The following SCNN1A variants were observed in gnomAD, a reference collection of about 807,000 sequenced individuals.
SCNN1A encodes the protein epithelial sodium channel subunit alpha.
Under a neutral mutation model 68.6 loss-of-function variants are expected in SCNN1A, and 65 were observed. The ratio of observed to expected loss-of-function variants is 0.95; its 90% CI spans 0.78 to 1.16. The LOEUF is 1.16. SCNN1A is among the 50% of genes most tolerant of loss of function. The pLI, the probability that SCNN1A is intolerant of heterozygous loss-of-function variation, is 0.00. For missense variants in SCNN1A, 880 were observed against 865.9 expected, an observed-to-expected ratio of 1.02 and a Z score of -0.20; for synonymous variants, 357 against 353.3, an observed-to-expected ratio of 1.01 and a Z score of -0.12.
At position 6,362,066 on chromosome 12, in the gene SCNN1A, A is replaced by G. The variant is rs749335164; in HGVS notation, c.860T>C (p.Val287Ala). ...NFIFACRFNQVSCNQANYSHF... is the reference protein window; with the variant it reads ...NFIFACRFNQASCNQANYSHF... Reference sequence around the variant, plus strand: ...ACTGACTCACGCCTGGTTGCAGGAGACCTGGTTGAAGCGGCAGGCGAAGAT... The same window carrying G: ...ACTGACTCACGCCTGGTTGCAGGAGGCCTGGTTGAAGCGGCAGGCGAAGAT... The change falls in exon 4 of 13, where the codon GTC becomes GCC. Residue 287 changes from valine (V) to alanine (A), a missense_variant. By Grantham distance (64) the Val-to-Ala change is moderately conservative (BLOSUM62 0). Around this residue, in one of 3 missense-constraint regions of SCNN1A, gnomAD observed 758 missense variants for 721.8 expected, o/e 1.05. Coordinates refer to ENST00000228916, the MANE Select transcript of SCNN1A (RefSeq NM_001038.6). 14 of 1,614,056 alleles carry G rather than the reference A, an allele frequency of 8.7e-6. No individual in the cohort carries two copies. The highest frequency in any genetic ancestry group is 1.1e-5 in the Non-Finnish European group (13 of 1,180,032).
chr12:6,363,595 G>C lies in SCNN1A; in HGVS notation c.532C>G (p.Arg178Gly). The change falls in exon 3 of 13, where the codon CGC becomes GGC. Residue 178 changes from arginine to glycine, a missense_variant. By Grantham distance (125) the Arg-to-Gly change is moderately radical. Around this residue, in one of 3 missense-constraint regions of SCNN1A, gnomAD observed 758 missense variants for 721.8 expected, o/e 1.05. Coordinates refer to ENST00000228916, the MANE Select transcript of SCNN1A (RefSeq NM_001038.6). ...TTLVAGSRSR[R>G]DLRGTLPHPL... Reference sequence around the variant, plus strand: ...TGCGGCAGAGTCCCCCGCAGGTCGCGACGGCTGCGGGAGCCGGCCACGAGA... The same window carrying C: ...TGCGGCAGAGTCCCCCGCAGGTCGCCACGGCTGCGGGAGCCGGCCACGAGA... The C allele has an allele frequency of 6.2e-7, 1 of 1,612,336 alleles. No individual in the cohort carries two copies. Among genetic ancestry groups the C allele is most frequent in the South Asian group, 1.1e-5 (1 of 90,882 alleles).
At position 6,354,482 on chromosome 12, in the gene SCNN1A, G is replaced by A; in HGVS notation, c.1316C>T (p.Pro439Leu). The A allele has an allele frequency of 1.2e-6, 2 of 1,613,608 alleles. No individual in the cohort carries two copies. The highest frequency in any genetic ancestry group is 2.7e-5 in the African/African-American group (2 of 74,978). The change falls in exon 8 of 13, where the codon CCC becomes CTC. Residue 439 changes from proline to leucine, a missense_variant. Transcript: ENST00000228916. Reference sequence around the variant, plus strand: ...GTAGTCACAGTACTCCACGTTCTGGGGCCGCGGATAGAAGATGTAGGCACA... The same window carrying A: ...GTAGTCACAGTACTCCACGTTCTGGAGCCGCGGATAGAAGATGTAGGCACA... ...CGCAYIFYPRPQNVEYCDYRK... is the reference protein window; with the variant it reads ...CGCAYIFYPRLQNVEYCDYRK...
chr12:6,348,186 A>G lies in SCNN1A; in HGVS notation c.1697T>C (p.Val566Ala), dbSNP rs768620050. ...AAAGACGAGCTCAGCCATCTCCACC[A>G]CAGACAACACCGAGGAGCCGAACCA... ...SLWFGSSVLS[V>A]VEMAELVFDL... is the part of the protein sequence containing the mutation. Residue 566 changes from valine to alanine, a missense_variant, in exon 13 of 13, where the codon GTG (valine) becomes GCG (alanine). By Grantham distance (64) the Val-to-Ala change is moderately conservative. Transcript: ENST00000228916. 9.9e-6 allele frequency: 16 copies of G among 1,614,154 alleles called. No individual in the cohort carries two copies. In the South Asian group the frequency reaches 1.8e-4, roughly 18 times the overall value.
At chr12:6,377,009 A>G (rs1198071217), upstream of SCNN1A, 68 of 442,948 alleles carry the variant, frequency 1.5e-4, no homozygotes, top group Admixed American at 2.6e-3. Flanking sequence ...AAGACATAAG[A>G]GCCAAGGGCT....
At chr12:6,368,072 G>A (rs775917443) in intron 2 of SCNN1A, among the ~76,000 whole-genome samples, 11 of 152,238 alleles carry the variant, frequency 7.2e-5, no homozygotes, top group Admixed American at 3.9e-4. Flanking sequence ...CATAGCTAGC[G>A]TTTATCGAGC....
chr12:6,355,354 T>C lies in SCNN1A; in HGVS notation c.1061A>G (p.His354Arg), dbSNP rs753035419. The C allele has an allele frequency of 7.4e-6, 12 of 1,613,864 alleles. No individual in the cohort carries two copies. The highest frequency in any genetic ancestry group is 1.0e-5 in the Non-Finnish European group (12 of 1,179,950). ...CATAAAGGCAGGTTCATCCTGCCCG[T>C]GCACCATTACCCGGGCCCCAGTCAC... ...STVTGARVMV[H>R]GQDEPAFMDD... is the part of the protein sequence containing the mutation. The change falls in exon 6 of 13, where the codon CAC (histidine) becomes CGC (arginine). Residue 354 changes from histidine to arginine, a missense_variant. Transcript: ENST00000228916.
intron 2 of SCNN1A, chr12:6,364,159 A>G (rs1948636080): frequency 6.4e-6 from 1 of 155,732 alleles, no homozygotes; most frequent in Admixed American, 6.5e-5. Flanking sequence ...TGGCACCGAA[A>G]TCAAGAGTTC....
In SCNN1A at chr12:6,355,781, G is replaced by A. The variant is rs1378294755; in HGVS notation, c.975C>T (p.Asn325=). The change falls in exon 5 of 13, where the codon AAC becomes AAT. Residue 325 remains asparagine (N), a synonymous_variant. Coordinates refer to ENST00000228916, the MANE Select transcript of SCNN1A (RefSeq NM_001038.6). Reference sequence around the variant, plus strand: ...AGCAAGCAGGGAGCTTCTCACCGTTGTTGATTCCAGGCATGGAAGACATCC... The same window carrying A: ...AGCAAGCAGGGAGCTTCTCACCGTTATTGATTCCAGGCATGGAAGACATCC... ...NLWMSSMPGI[N]NGLSLMLRAE... is the part of the protein sequence containing the mutation. 1.2e-6 allele frequency: 2 copies of A among 1,606,318 alleles called. No individual in the cohort carries two copies. Among genetic ancestry groups the A allele is most frequent in the South Asian group, 2.2e-5 (2 of 90,930 alleles).
At chr12:6,363,825 T>G in intron 2 of SCNN1A, 115 bp from the exon 3 acceptor site, 2 of 950,786 alleles carry the variant, frequency 2.1e-6, no homozygotes, top group Non-Finnish European at 2.9e-6. Context: ...CGGAGAAGCC[T>G]GGGCGGGGCT....
At chr12:6,358,856 T>A (rs1189818618) in intron 4 of SCNN1A, among the ~76,000 whole-genome samples, 4 of 112,780 alleles carry the variant, frequency 3.5e-5, no homozygotes, top group South Asian at 2.9e-4. Context: ...TGAGAACCTG[T>A]CTCAAAAAAA....
intron 4 of SCNN1A, 50 bp downstream of exon 4, chr12:6,362,001 C>T (rs749291973): frequency 6.3e-7 from 1 of 1,595,440 alleles, no homozygotes; most frequent in Admixed American, 1.7e-5. Context: ...GAGGCTGACC[C>T]AGGGAAGCGG....
chr12:6,363,333 TGGTGTC>T, intron 3 of SCNN1A, 104 bp downstream of exon 3: 1 of 832,866 alleles, frequency 1.2e-6, no homozygotes, highest in Admixed American at 4.0e-5. Flanking sequence ...AGGCCCCGCG[TGGTGTC>T]ACTGGGCTGC....
chr12:6,352,885 T>A (rs891966116), intron 8 of SCNN1A, among the ~76,000 whole-genome samples: 1 of 152,198 alleles, frequency 6.6e-6, no homozygotes, highest in Non-Finnish European at 1.5e-5. Flanking sequence ...TCCGCTGCCT[T>A]TGAGGGCCTC....
upstream of SCNN1A, among the ~76,000 whole-genome samples, chr12:6,376,633 G>A (rs1251672499): frequency 6.6e-6 from 1 of 152,236 alleles, no homozygotes; most frequent in Non-Finnish European, 1.5e-5. Context: ...GCAGCAAAAG[G>A]ATAAGGAGTG....
chr12:6,361,803 C>T (rs1948583716), intron 4 of SCNN1A, among the ~76,000 whole-genome samples: 1 of 152,190 alleles, frequency 6.6e-6, no homozygotes, highest in Non-Finnish European at 1.5e-5. Context: ...TTTCTCAAAG[C>T]CCCAGTCTTC....
intron 12 of SCNN1A, 76 bp from the exon 13 acceptor site, chr12:6,348,329 C>A: frequency 6.2e-7 from 1 of 1,607,290 alleles, no homozygotes; most frequent in South Asian, 1.1e-5. Context: ...CCCTTCCCTC[C>A]TCACCAAGCT....
In SCNN1A at chr12:6,351,397, G is replaced by A. The variant is rs1381214009; in HGVS notation, c.1361-1992C>T. Among the ~76,000 whole-genome samples the A allele has an allele frequency of 4.6e-5, 7 of 152,158 alleles. No homozygotes were observed. In the South Asian group the frequency reaches 6.2e-4, roughly 14 times the overall value. The stretch of plus-strand genomic sequence containing the variant: ...CCAGCACTTGGGGGCTGAGGTGGGC[G>A]GATCACCTGAGGTCAGGAGTTTGAG... On this transcript the variant is annotated intron_variant, in intron 8 of 12. Transcript: ENST00000228916. The surrounding 1 kb of genome is among the most constrained non-coding windows in gnomAD (Gnocchi z 4.2).
intron 2 of SCNN1A, among the ~76,000 whole-genome samples, chr12:6,365,776 C>G (rs557722241): frequency 6.6e-6 from 1 of 152,192 alleles, no homozygotes; most frequent in Non-Finnish European, 1.5e-5. Context: ...TCTTCCTGAC[C>G]TTGGGGTAGG....
In SCNN1A at chr12:6,347,749, C is replaced by T. The variant is rs887378930; in HGVS notation, c.*124G>A. ...GCCCTTACCCATCTTGCTTCCCCTC[C>T]ACACATCAACGGCAGTTTGGGCGGC... On this transcript the variant is annotated 3_prime_UTR_variant, in exon 13 of 13. Coordinates refer to ENST00000228916, the MANE Select transcript of SCNN1A (RefSeq NM_001038.6). 6.1e-6 allele frequency: 5 copies of T among 825,466 alleles called. No individual in the cohort carries two copies. The highest frequency in any genetic ancestry group is 1.0e-5 in the Non-Finnish European group (5 of 495,502). The allele number at this position is 825,466 out of a possible 1,614,324, so 51.1% of individuals were successfully genotyped here. A position where few individuals can be genotyped will look rare whatever the true frequency, so the allele number is the denominator to read the frequency against.
Sources: gnomAD v4.1 joint callset for allele counts (sites outside exome capture counted in the v4.1 genomes callset) on GRCh38, gnomAD v4.1.1 for gene constraint, gnomAD v4.1.1 regional missense constraint, Gnocchi (gnomAD v3.1) non-coding constraint, MANE v1.5 for transcripts, NCBI Gene and HGNC (gene_info 2026-07-23, HGNC 2026-07-21) for gene names.